Variants in AP3B1 observed in about 807,000 individuals in gnomAD.
AP3B1 encodes AP-3 complex subunit beta-1.
A neutral mutation model predicts 132.5 loss-of-function variants in AP3B1; 61 were observed. That is an observed-to-expected ratio of 0.46 (90% CI 0.37 to 0.57). AP3B1 has a LOEUF of 0.57. Ranked by LOEUF, AP3B1 falls within the 20% of genes least tolerant of loss-of-function variation. The probability of loss-of-function intolerance (pLI) is 0.00; values close to 1 mark genes in which losing one functional copy is unlikely to be tolerated. For missense variants in AP3B1, 1,120 were observed against 1,289.4 expected (o/e 0.87, Z 2.01); for synonymous variants, 388 against 438.3 (o/e 0.89, Z 1.43).
intron 7 of AP3B1, among the ~76,000 whole-genome samples, chr5:78,200,674 T>C (rs578231780): frequency 1.3e-5 from 2 of 152,184 alleles, no homozygotes; most frequent in East Asian, 1.9e-4. Flanking sequence ...CAAAAAAGTA[T>C]TGAATAATTC....
In AP3B1 at chr5:78,113,907, A is replaced by C. The variant is rs1751706908; in HGVS notation, c.2094T>G (p.Ser698Arg). 1 of 1,613,810 alleles carries C rather than the reference A, an allele frequency of 6.2e-7. No individual in the cohort carries two copies. The highest frequency in any genetic ancestry group is 1.7e-5 in the Admixed American group (1 of 59,972). The stretch of plus-strand genomic sequence containing the variant: ...CACTTTCGCCTTGTTCTCCACTTTC[A>C]CTTCCAGATTCACTCTCTGAAAAAC... ...SSSDSESESG[S>R]ESGEQGESGE... is the part of the protein sequence containing the mutation. The change falls in exon 19 of 27, where the codon AGT becomes AGG. Residue 698 changes from serine to arginine, a missense_variant. This residue lies in a region of AP3B1 where 906 missense variants were observed against 997.1 expected (regional missense o/e 0.91). Coordinates refer to ENST00000255194, the MANE Select transcript of AP3B1 (RefSeq NM_003664.5).
At chr5:78,244,369 C>T (rs767216995) in intron 2 of AP3B1, among the ~76,000 whole-genome samples, 6 of 151,710 alleles carry the variant, frequency 4.0e-5, no homozygotes, top group Non-Finnish European at 8.8e-5. Flanking sequence ...GCCGAGATCA[C>T]GCCACTGCAC....
chr5:78,089,565 T>A, intron 21 of AP3B1, 66 bp from the exon 22 acceptor site: 1 of 1,041,722 alleles, frequency 9.6e-7, no homozygotes, highest in East Asian at 2.5e-5. Flanking sequence ...AAAAGCAACA[T>A]TTTTATTTTG....
At chr5:78,084,378 T>C (rs542875684) in intron 22 of AP3B1, among the ~76,000 whole-genome samples, 67 of 150,240 alleles carry the variant, frequency 4.5e-4, no homozygotes, top group Admixed American at 8.6e-4. Flanking sequence ...AATATAAAAA[T>C]TAGGGTGTGG....
At chr5:78,203,206 C>T (rs780984541) in intron 7 of AP3B1, among the ~76,000 whole-genome samples, 4 of 152,048 alleles carry the variant, frequency 2.6e-5, no homozygotes, top group African/African-American at 9.7e-5. Flanking sequence ...CTGTATTAGT[C>T]CATTCTCACA....
chr5:78,150,794 T>G (rs868244809), intron 14 of AP3B1, among the ~76,000 whole-genome samples: 2 of 152,170 alleles, frequency 1.3e-5, no homozygotes, highest in Admixed American at 1.3e-4. Flanking sequence ...TTACATAATT[T>G]CAGACTTACA....
chr5:78,181,502 C>A lies in AP3B1; in HGVS notation c.942+5G>T. The A allele has an allele frequency of 6.2e-7, 1 of 1,611,718 alleles. No homozygotes were observed. Among genetic ancestry groups the A allele is most frequent in the Non-Finnish European group, 8.5e-7 (1 of 1,179,048 alleles). ...GAATTATTTCTTATAAGGATTTTAA[C>A]ATACCGCAGCATTCCTGCTCTGAAG... is the stretch of plus-strand genomic sequence containing the variant. On this transcript the variant is annotated splice_donor_5th_base_variant and intron_variant, in intron 8 of 26. Coordinates refer to ENST00000255194, the MANE Select transcript of AP3B1 (RefSeq NM_003664.5).
At chr5:78,203,213 C>T (rs1745367650) in intron 7 of AP3B1, among the ~76,000 whole-genome samples, 1 of 152,138 alleles carries the variant, frequency 6.6e-6, no homozygotes, top group Non-Finnish European at 1.5e-5. Flanking sequence ...AGTCCATTCT[C>T]ACACTACTAT....
intron 11 of AP3B1, among the ~76,000 whole-genome samples, chr5:78,175,231 G>A (rs901146070): frequency 6.6e-6 from 1 of 152,204 alleles, no homozygotes; most frequent in African/African-American, 2.4e-5. Flanking sequence ...TGCACCCACT[G>A]TCCAACCAGT....
intron 3 of AP3B1, among the ~76,000 whole-genome samples, chr5:78,235,178 C>A (rs1746823474): frequency 6.6e-6 from 1 of 152,120 alleles, no homozygotes; most frequent in South Asian, 2.1e-4. Flanking sequence ...TTAAAATATT[C>A]TTTTAAAATA....
intron 17 of AP3B1, among the ~76,000 whole-genome samples, chr5:78,122,795 C>T (rs548416300): frequency 1.5e-3 from 233 of 152,252 alleles, no homozygotes; most frequent in African/African-American, 5.5e-3. Context: ...AGATTCAATG[C>T]CATCCCCATC....
At chr5:78,187,831 T>C (rs1434336635) in intron 7 of AP3B1, among the ~76,000 whole-genome samples, 1 of 152,182 alleles carries the variant, frequency 6.6e-6, no homozygotes, top group African/African-American at 2.4e-5. Context: ...GACTTCAGAC[T>C]ATACTACAAG....
At chr5:78,103,324 CAGG>C (rs988832695) in intron 20 of AP3B1, among the ~76,000 whole-genome samples, 17 of 152,222 alleles carry the variant, frequency 1.1e-4, no homozygotes, top group Non-Finnish European at 2.1e-4. Context: ...GGACTTGAGG[CAGG>C]AGATTTTTCT....
intron 7 of AP3B1, among the ~76,000 whole-genome samples, chr5:78,183,445 G>C (rs539733701): frequency 6.6e-6 from 1 of 152,244 alleles, no homozygotes; most frequent in Admixed American, 6.5e-5. Flanking sequence ...ATAACTAGCA[G>C]ATGCCAATAC....
At chr5:78,193,734 A>G (rs142564874) in intron 7 of AP3B1, among the ~76,000 whole-genome samples, 2,570 of 73,868 alleles carry the variant, frequency 0.035, 91 homozygotes, top group African/African-American at 0.11. Context: ...AAATATTTGT[A>G]TATATTTTTT....
At chr5:78,269,322 C>T (rs1206561314) in intron 1 of AP3B1, among the ~76,000 whole-genome samples, 2 of 152,230 alleles carry the variant, frequency 1.3e-5, no homozygotes, top group East Asian at 3.9e-4. Flanking sequence ...ACATAAGTGA[C>T]ATCTTGTGGT....
At chr5:78,038,573 G>T (rs1174382229) in intron 23 of AP3B1, among the ~76,000 whole-genome samples, 2 of 152,206 alleles carry the variant, frequency 1.3e-5, no homozygotes, top group Non-Finnish European at 2.9e-5. Flanking sequence ...TATCCTCTCA[G>T]TCTTCACTCC....
chr5:78,209,865 A>C (rs1264125283), intron 7 of AP3B1, among the ~76,000 whole-genome samples: 1 of 152,166 alleles, frequency 6.6e-6, no homozygotes, highest in African/African-American at 2.4e-5. Context: ...GTAAAATTTA[A>C]AGTTTTCTTT....
intron 1 of AP3B1, among the ~76,000 whole-genome samples, chr5:78,275,562 G>A (rs950357082): frequency 2.6e-5 from 4 of 152,024 alleles, no homozygotes; most frequent in Middle Eastern, 3.4e-3. Flanking sequence ...TGCAACCTCC[G>A]CCTCCCGGGT....
Sources: allele counts gnomAD v4.1 joint callset (sites outside exome capture counted in the v4.1 genomes callset), GRCh38; gene constraint gnomAD v4.1.1; regional missense constraint gnomAD v4.1.1; transcripts MANE v1.5; gene names NCBI Gene and HGNC (gene_info 2026-07-23, HGNC 2026-07-21).